The following C5 variants were observed in gnomAD, a reference collection of about 807,000 sequenced individuals.
C5 encodes the protein complement C5.
In C5, 140 loss-of-function variants were observed where a neutral mutation model predicts 218.8. That is an observed-to-expected ratio of 0.64 (90% confidence interval 0.56 to 0.74). C5 has a LOEUF of 0.74. Among genes scored for constraint, C5 ranks in the 30% least tolerant of loss-of-function variants. The pLI is 0.00. For synonymous variants in C5, 614 were observed against 682.3 expected (o/e 0.90, Z 1.56); for missense variants, 1,700 against 1,969.6 (o/e 0.86, Z 2.59).
intron 29 of C5, among the ~76,000 whole-genome samples, chr9:120,975,525 G>A (rs2046946978): frequency 6.6e-6 from 1 of 152,134 alleles, no homozygotes; most frequent in Non-Finnish European, 1.5e-5. Context: ...AGGAGGTGAG[G>A]CCTAATGGGA....
intron 31 of C5, among the ~76,000 whole-genome samples, chr9:120,970,908 G>A (rs1402345582): frequency 1.3e-5 from 2 of 152,078 alleles, no homozygotes; most frequent in Non-Finnish European, 2.9e-5. Flanking sequence ...GTGGTGGCTC[G>A]CGCCCATAAT....
upstream of C5, among the ~76,000 whole-genome samples, chr9:121,054,623 T>G (rs2047689506): frequency 6.6e-6 from 1 of 152,174 alleles, no homozygotes; most frequent in African/African-American, 2.4e-5. Context: ...TAAATAAAAA[T>G]AAACCTGCTG....
In C5 at chr9:120,953,801, C is replaced by G; in HGVS notation, c.4830G>C (p.Glu1610Asp). Residue 1610 changes from glutamate (E) to aspartate (D), a missense_variant, in exon 40 of 41, where the codon GAG becomes GAC. Transcript: ENST00000223642. ...TTAAGTACTGTCTTCCTTTTACCAGCTCAGCGTTAGTACAGGTTACCTTTT... is the reference window on the plus strand; with the variant it reads ...TTAAGTACTGTCTTCCTTTTACCAGGTCAGCGTTAGTACAGGTTACCTTTT... The part of the protein sequence containing the change: ...FIKKVTCTNA[E>D]LVKGRQYLIM... The G allele has an allele frequency of 6.2e-7, 1 of 1,613,842 alleles. No individual in the cohort carries two copies. Among genetic ancestry groups the G allele is most frequent in the Non-Finnish European group, 8.5e-7 (1 of 1,179,726 alleles).
chr9:121,041,975 G>T (rs955191840), intron 3 of C5, among the ~76,000 whole-genome samples: 3 of 152,142 alleles, frequency 2.0e-5, no homozygotes, highest in Admixed American at 6.5e-5. Context: ...GTTCAGTCCA[G>T]TTCCACCCCA....
At chr9:120,953,001 G>A (rs1482600791) in intron 40 of C5, 133 bp from the exon 41 acceptor site, 9 of 870,794 alleles carry the variant, frequency 1.0e-5, no homozygotes, top group Admixed American at 4.1e-5. Flanking sequence ...TCAGCTCACT[G>A]CAAGCTCTGC....
chr9:121,047,398 T>A (rs1384513232), intron 1 of C5, among the ~76,000 whole-genome samples: 1 of 152,244 alleles, frequency 6.6e-6, no homozygotes, highest in African/African-American at 2.4e-5. Context: ...GAGTGATTTT[T>A]AAAAATTATT....
chr9:121,023,652 A>G, intron 9 of C5, 133 bp from the exon 10 acceptor site: 2 of 692,566 alleles, frequency 2.9e-6, no homozygotes, highest in Non-Finnish European at 5.3e-6. Flanking sequence ...TTCATTTACC[A>G]GTAGTAAGTA....
chr9:121,056,453 T>C, the C5 span, among the ~76,000 whole-genome samples: 1 of 152,226 alleles, frequency 6.6e-6, no homozygotes, highest in Non-Finnish European at 1.5e-5. Context: ...GGCTAAAATA[T>C]AGATTACTAA....
intron 20 of C5, among the ~76,000 whole-genome samples, chr9:121,005,410 A>G (rs1039185535): frequency 2.6e-5 from 4 of 152,222 alleles, no homozygotes; most frequent in Non-Finnish European, 4.4e-5. Flanking sequence ...TGAAGGTTTC[A>G]GTGATGCTAC....
the C5 span, among the ~76,000 whole-genome samples, chr9:121,069,765 CA>C: frequency 5.9e-5 from 9 of 152,156 alleles, no homozygotes; most frequent in Admixed American, 3.9e-4. Flanking sequence ...CCTCCCACCT[CA>C]GCCTCCCAAA....
chr9:120,979,285 T>G (rs1219755970), intron 28 of C5, among the ~76,000 whole-genome samples: 1 of 152,206 alleles, frequency 6.6e-6, no homozygotes, highest in Non-Finnish European at 1.5e-5. Context: ...TTTCAGCTCT[T>G]GACTCAAACA....
chr9:120,974,771 T>G lies in C5; in HGVS notation c.4017+8A>C. ...ATTGTAAAATACTACAGAAAGTTCTTCATTTACCTCTACTGGCCTCCCAAG... is the reference window on the plus strand; with the variant it reads ...ATTGTAAAATACTACAGAAAGTTCTGCATTTACCTCTACTGGCCTCCCAAG... On this transcript the variant is annotated splice_region_variant and intron_variant, in intron 30 of 40. Coordinates refer to ENST00000223642, the MANE Select transcript of C5 (RefSeq NM_001735.3). 1.2e-6 allele frequency: 2 copies of G among 1,611,452 alleles called. No homozygotes were observed. The highest frequency in any genetic ancestry group is 3.3e-4 in the Middle Eastern group (2 of 6,062).
chr9:121,007,036 A>G, intron 18 of C5, 59 bp from the exon 19 acceptor site: 1 of 1,289,862 alleles, frequency 7.8e-7, no homozygotes, highest in Non-Finnish European at 1.1e-6. Context: ...CCAACTTAAC[A>G]GAGACATCCA....
intron 33 of C5, 56 bp from the exon 34 acceptor site, chr9:120,963,794 G>GGAAGAGTGTCCTTTCTT: frequency 7.6e-7 from 1 of 1,322,536 alleles, no homozygotes; most frequent in Non-Finnish European, 1.1e-6. Flanking sequence ...GAGTCTTTAA[G>GGAAGAGTGTCCTTTCTT]AAAGGACACT....
intron 24 of C5, 110 bp downstream of exon 24, chr9:120,989,458 G>T: frequency 1.3e-6 from 1 of 754,740 alleles, no homozygotes; most frequent in Non-Finnish European, 2.1e-6. Context: ...TGATTTTTTT[G>T]CTAAAATTCT....
At chr9:121,039,783 G>A (rs572388777) in intron 3 of C5, among the ~76,000 whole-genome samples, 67 of 152,186 alleles carry the variant, frequency 4.4e-4, no homozygotes, top group Non-Finnish European at 8.5e-4. Context: ...CGAGTAGCTG[G>A]GACTACAGGC....
At chr9:121,059,284 A>G in the C5 span, among the ~76,000 whole-genome samples, 6 of 152,232 alleles carry the variant, frequency 3.9e-5, no homozygotes, top group Non-Finnish European at 8.8e-5. The surrounding 1 kb of genome is among the most constrained non-coding windows in gnomAD (Gnocchi z 4.1). Context: ...ATCCAGTGTT[A>G]ATAATGGAAT....
intron 17 of C5, among the ~76,000 whole-genome samples, chr9:121,012,650 G>A (rs1458345393): frequency 6.6e-6 from 1 of 152,152 alleles, no homozygotes. Flanking sequence ...ATTAGATATT[G>A]CTTAACAATA....
intron 39 of C5, chr9:120,956,897 T>C (rs781244038): frequency 1.1e-5 from 3 of 281,758 alleles, no homozygotes; most frequent in African/African-American, 4.4e-5. Flanking sequence ...AGGGTGAGGA[T>C]TGAAAAATTA....
Sources: gnomAD v4.1 joint callset for allele counts (sites outside exome capture counted in the v4.1 genomes callset) on GRCh38, gnomAD v4.1.1 for gene constraint, Gnocchi (gnomAD v3.1) non-coding constraint, MANE v1.5 for transcripts, NCBI Gene and HGNC (gene_info 2026-07-23, HGNC 2026-07-21) for gene names.